Variants in MPDZ observed in about 807,000 individuals in gnomAD.
MPDZ encodes the protein multiple PDZ domain crumbs cell polarity complex component.
Under a neutral mutation model 239.1 loss-of-function variants are expected in MPDZ, and 234 were observed. The ratio of observed to expected loss-of-function variants is 0.98; its 90% CI spans 0.88 to 1.09. The LOEUF (loss-of-function observed/expected upper bound fraction) is 1.09. Among genes scored for constraint, MPDZ ranks in the 50% least tolerant of loss-of-function variants. MPDZ has a pLI of 0.00. For missense variants in MPDZ, 3,175 were observed against 2,510.0 expected (o/e 1.26, Z -5.66); for synonymous variants, 1,048 against 881.3 (o/e 1.19, Z -3.35).
At position 13,219,584 on chromosome 9, in the gene MPDZ, G is replaced by C; in HGVS notation, c.1061C>G (p.Ser354Cys). Residue 354 changes from serine (S) to cysteine (C), a missense_variant, in exon 8 of 47, where the codon TCC becomes TGC. Ser to Cys is a moderately radical substitution (Grantham distance 112). Coordinates refer to ENST00000319217, the MANE Select transcript of MPDZ (RefSeq NM_001378778.1). ...PTALGITLSS[S>C]PTSTPELRVD... The stretch of plus-strand genomic sequence containing the variant: ...CCGCAACTCTGGTGTTGAAGTTGGG[G>C]ATGAGGAGAGGGTGATGCCCAAAGC... The C allele has an allele frequency of 6.2e-7, 1 of 1,612,050 alleles. No individual in the cohort carries two copies. The highest frequency in any genetic ancestry group is 8.5e-7 in the Non-Finnish European group (1 of 1,178,894).
rs182681219 is a variant in MPDZ, at chr9:13,200,902, C to T, written c.1546+4134G>A. Among the ~76,000 whole-genome samples, 436 of 151,992 alleles carry T rather than the reference C, an allele frequency of 2.9e-3. 7 individuals are homozygous for T. Among genetic ancestry groups the T allele is most frequent in the Non-Finnish European group, 1.3e-3 (87 of 67,954 alleles). On this transcript the variant is annotated intron_variant, in intron 12 of 46. Transcript: ENST00000319217. ...TGTATTCTGCAGCTGTTGGACGGAA[C>T]GTTCTGTAAATGTCTATTGGGTCAA...
At chr9:13,166,188 T>C (rs1951057047) in intron 22 of MPDZ, among the ~76,000 whole-genome samples, 2 of 152,236 alleles carry the variant, frequency 1.3e-5, no homozygotes, top group Admixed American at 6.6e-5. Flanking sequence ...TTAATGGGCC[T>C]GAGGCAATGT....
chr9:13,260,944 C>T (rs1040317207), intron 1 of MPDZ, among the ~76,000 whole-genome samples: 2 of 152,208 alleles, frequency 1.3e-5, no homozygotes, highest in Non-Finnish European at 2.9e-5. Flanking sequence ...AAGGACTATG[C>T]TATCATGTAC....
intron 19 of MPDZ, 106 bp from the exon 20 acceptor site, chr9:13,176,523 CA>C: frequency 1.0e-6 from 1 of 953,572 alleles, no homozygotes. Flanking sequence ...AAATGTAAAA[CA>C]TAACAATTAT....
At chr9:13,185,624 T>C (rs1017388116) in intron 18 of MPDZ, among the ~76,000 whole-genome samples, 1 of 152,132 alleles carries the variant, frequency 6.6e-6, no homozygotes, top group Non-Finnish European at 1.5e-5. Context: ...TTTAGTTTTA[T>C]CCTTTAGTTA....
intron 12 of MPDZ, among the ~76,000 whole-genome samples, chr9:13,198,333 T>C (rs1032038986): frequency 4.6e-5 from 7 of 152,174 alleles, no homozygotes; most frequent in African/African-American, 1.7e-4. Context: ...TTGACTTGCA[T>C]TTCTCTGATG....
At chr9:13,146,486 T>C (rs1948450439) in intron 26 of MPDZ, among the ~76,000 whole-genome samples, 1 of 152,074 alleles carries the variant, frequency 6.6e-6, no homozygotes. Context: ...ATTAAATATT[T>C]TAAGTTTTAG....
chr9:13,121,100 G>A (rs934662423), intron 38 of MPDZ, among the ~76,000 whole-genome samples: 1 of 152,148 alleles, frequency 6.6e-6, no homozygotes, highest in African/African-American at 2.4e-5. Flanking sequence ...AAATGAATTA[G>A]GTTGTGAATT....
At chr9:13,165,584 C>T (rs759152077) in intron 22 of MPDZ, 25 of 619,344 alleles carry the variant, frequency 4.0e-5, no homozygotes, top group Non-Finnish European at 7.0e-5. Flanking sequence ...AGCATCTGCT[C>T]TTTACTAGTG....
intron 22 of MPDZ, among the ~76,000 whole-genome samples, chr9:13,164,218 G>C (rs1950792694): frequency 6.6e-6 from 1 of 152,282 alleles, no homozygotes; most frequent in Admixed American, 6.5e-5. Context: ...ATGGATTTAA[G>C]ACTAGGCTAG....
At position 13,110,718 on chromosome 9, in the gene MPDZ, A is replaced by G; in HGVS notation, c.5747T>C (p.Ile1916Thr). 1 of 1,613,448 alleles carries G rather than the reference A, an allele frequency of 6.2e-7. No homozygotes were observed. The highest frequency in any genetic ancestry group is 8.5e-7 in the Non-Finnish European group (1 of 1,179,650). ...CATGCCCTCAGTGGATGTGCCACAG[A>G]TGGTGACAATCCTATCCCCAACCTG... ...KLRVGDRIVT[I>T]CGTSTEGMTH... The change falls in exon 44 of 47, where the codon ATC becomes ACC. Residue 1916 changes from isoleucine (I) to threonine (T), a missense_variant. Coordinates refer to ENST00000319217, the MANE Select transcript of MPDZ (RefSeq NM_001378778.1).
intron 10 of MPDZ, among the ~76,000 whole-genome samples, chr9:13,209,808 A>C (rs10809915): frequency 0.087 from 13,277 of 152,212 alleles, 766 homozygotes; most frequent in South Asian, 0.17. Context: ...CAAGATTTTA[A>C]GTACTGCAAA....
At position 13,231,528 on chromosome 9, in the gene MPDZ, C is replaced by T. The variant is rs1962460937; in HGVS notation, c.184-6945G>A. Among the ~76,000 whole-genome samples, 10 of 152,076 alleles carry T rather than the reference C, an allele frequency of 6.6e-5. No homozygotes were observed. In the South Asian group the frequency reaches 2.1e-3, roughly 32 times the overall value. On this transcript the variant is annotated intron_variant, in intron 3 of 46. Coordinates refer to ENST00000319217, the MANE Select transcript of MPDZ (RefSeq NM_001378778.1). ...GTTGCAGTGAGCCACTGTACTCCAG[C>T]CTGGGTGACAAAGAGCAACTCTATT...
intron 1 of MPDZ, among the ~76,000 whole-genome samples, chr9:13,258,863 T>G (rs1311266262): frequency 1.3e-5 from 2 of 152,176 alleles, no homozygotes; most frequent in Non-Finnish European, 2.9e-5. Flanking sequence ...AAATCAAGTA[T>G]TAAAGAACAT....
At chr9:13,135,000 A>C (rs1416970556) in intron 31 of MPDZ, 1 of 152,210 alleles carries the variant, frequency 6.6e-6, no homozygotes, top group Admixed American at 6.5e-5. Context: ...TGTAGCAAGC[A>C]CCTCAGCCTC....
At chr9:13,167,777 T>C (rs1951260649) in intron 22 of MPDZ, among the ~76,000 whole-genome samples, 1 of 152,134 alleles carries the variant, frequency 6.6e-6, no homozygotes. Flanking sequence ...ATATATGATG[T>C]GCTTTTAGTA....
In MPDZ at chr9:13,115,279, T is replaced by G; in HGVS notation, c.5435A>C (p.His1812Pro). The change falls in exon 40 of 47, where the codon CAT becomes CCT. Residue 1812 changes from histidine (H) to proline (P), a missense_variant. By Grantham distance (77) the His-to-Pro change is moderately conservative. Coordinates refer to ENST00000319217, the MANE Select transcript of MPDZ (RefSeq NM_001378778.1). Reference sequence around the variant, plus strand: ...GCTTTGAGATGGCCTCCTCTCTGAATGGAATGGACCAGCTTTGATTCTTCC... The same window carrying G: ...GCTTTGAGATGGCCTCCTCTCTGAAGGGAATGGACCAGCTTTGATTCTTCC... ...EVGRIKAGPFHSERRPSQSSQ... is the reference protein window; with the variant it reads ...EVGRIKAGPFPSERRPSQSSQ... The G allele has an allele frequency of 5.0e-6, 8 of 1,612,748 alleles. No homozygotes were observed. Among genetic ancestry groups the G allele is most frequent in the Non-Finnish European group, 6.8e-6 (8 of 1,179,848 alleles).
At chr9:13,221,713 A>T (rs2136285599) in intron 6 of MPDZ, among the ~76,000 whole-genome samples, 1 of 152,148 alleles carries the variant, frequency 6.6e-6, no homozygotes, top group South Asian at 2.1e-4. Context: ...TTATCAATAT[A>T]TCATCATAAT....
intron 1 of MPDZ, among the ~76,000 whole-genome samples, chr9:13,255,795 C>T (rs111670510): frequency 1.3e-4 from 20 of 152,266 alleles, no homozygotes; most frequent in African/African-American, 3.8e-4. Context: ...GCAGGCATAG[C>T]AGATTTAGAA....
Sources: allele counts gnomAD v4.1 joint callset (sites outside exome capture counted in the v4.1 genomes callset), GRCh38; gene constraint gnomAD v4.1.1; transcripts MANE v1.5; gene names NCBI Gene and HGNC (gene_info 2026-07-23, HGNC 2026-07-21).